HNRNPH2: variants seen among roughly 807,000 people sequenced by gnomAD.
HNRNPH2 encodes the protein heterogeneous nuclear ribonucleoprotein H2, also known as FTP-3.
For synonymous variants in HNRNPH2, 128 were observed against 128.2 expected (o/e 1.00, Z 0.01); for missense variants, 115 against 352.9 (o/e 0.33, Z 5.40).
Position 101,408,476 on chromosome X carries a change from G to C in HNRNPH2, c.-54+157G>C, listed in dbSNP as rs782312723. On this transcript the variant is annotated intron_variant, in intron 1 of 1. Coordinates refer to ENST00000316594, the MANE Select transcript of HNRNPH2 (RefSeq NM_019597.5). ...CCATCTCAGTGCCGGGAAGCCGCCT[G>C]TGCTGCGCCTGGTGGGGAAATGGTG... Among the ~76,000 whole-genome samples, 8 of 108,646 alleles carry C rather than the reference G, an allele frequency of 7.4e-5. No individual in the cohort carries two copies. In the East Asian group the frequency reaches 2.3e-3, roughly 31 times the overall value. The allele number at this position is 108,646 out of a possible 115,157, so 94.3% of individuals were successfully genotyped here. A position where few individuals can be genotyped will look rare whatever the true frequency, so the allele number is the denominator to read the frequency against.
Position 101,413,633 on chromosome X carries a change from C to G in HNRNPH2, c.*295C>G, listed in dbSNP as rs1555988661. On this transcript the variant is annotated 3_prime_UTR_variant, in exon 2 of 2. Transcript: ENST00000316594. ...CAGTAATTTTGAACACTGAAACATTCATCTAGGACATAATAACAAAGTTCA... is the reference window on the plus strand; with the variant it reads ...CAGTAATTTTGAACACTGAAACATTGATCTAGGACATAATAACAAAGTTCA... 2 of 239,691 alleles carry G rather than the reference C, an allele frequency of 8.3e-6. No individual in the cohort carries two copies. The highest frequency in any genetic ancestry group is 8.1e-5 in the East Asian group (1 of 12,373). 19.8% of individuals were successfully genotyped at this position (239,691 alleles called of 1,213,427 possible).
Position 101,413,297 on chromosome X carries a change from C to G in HNRNPH2, c.1309C>G (p.Leu437Val). 1 of 1,193,510 alleles carries G rather than the reference C, an allele frequency of 8.4e-7. No individual in the cohort carries two copies. Among genetic ancestry groups the G allele is most frequent in the Non-Finnish European group, 1.1e-6 (1 of 886,791 alleles). The change falls in exon 2 of 2, where the codon CTG becomes GTG. Residue 437 changes from leucine to valine, a missense_variant. By Grantham distance (32) the Leu-to-Val change is conservative. Transcript: ENST00000316594. The stretch of plus-strand genomic sequence containing the variant: ...CAGTATGAGTGGATATGACCAAGTT[C>G]TGCAGGAAAACTCCAGTGACTATCA... ...QSSMSGYDQVLQENSSDYQSN... is the reference protein window; with the variant it reads ...QSSMSGYDQVVQENSSDYQSN...
intron 1 of HNRNPH2, among the ~76,000 whole-genome samples, chrX:101,411,400 GTTAATTT>G: frequency 1.5e-5 from 1 of 65,460 alleles, no homozygotes; most frequent in Non-Finnish European, 3.0e-5. Flanking sequence ...ATTTGTTGCT[GTTAATTT>G]TTTTTTTTTT....
At chrX:101,409,684 A>AC (rs1276428044) in intron 1 of HNRNPH2, among the ~76,000 whole-genome samples, 3 of 110,428 alleles carry the variant, frequency 2.7e-5, no homozygotes, top group Non-Finnish European at 5.7e-5. Flanking sequence ...AGCCCACTTC[A>AC]CCCCCCCACC....
rs41307260 is a variant in HNRNPH2, at chrX:101,413,501, T to C, written c.*163T>C. The C allele has an allele frequency of 5.1e-5, 21 of 412,978 alleles. No homozygotes were observed. The Admixed American group carries it at 1.0e-3, about 20-fold the overall frequency. The allele number at this position is 412,978 out of a possible 1,213,427, so 34.0% of individuals were successfully genotyped here. On this transcript the variant is annotated 3_prime_UTR_variant, in exon 2 of 2. Coordinates refer to ENST00000316594, the MANE Select transcript of HNRNPH2 (RefSeq NM_019597.5). ...TCAGCTTCTCTTTCTTTATCTTTCT[T>C]TCTCCTTTTTTAAGAAAACGAGTTA...
chrX:101,408,801 A>G (rs1417601979), intron 1 of HNRNPH2, among the ~76,000 whole-genome samples: 1 of 111,883 alleles, frequency 8.9e-6, no homozygotes, highest in Non-Finnish European at 1.9e-5. Flanking sequence ...GTATTTGAAT[A>G]ATGTTTATTT....
chrX:101,409,978 TG>T (rs1213565204), intron 1 of HNRNPH2, among the ~76,000 whole-genome samples: 1 of 111,765 alleles, frequency 8.9e-6, no homozygotes, highest in African/African-American at 3.3e-5. Context: ...AAGGAACATT[TG>T]TAAGTATTTC....
chrX:101,409,332 C>G (rs782805474), intron 1 of HNRNPH2, among the ~76,000 whole-genome samples: 126 of 112,160 alleles, frequency 1.1e-3, no homozygotes, highest in Non-Finnish European at 1.7e-3. Flanking sequence ...GCCGTTATTA[C>G]ACTTTGTACT....
rs782443548 is a variant in HNRNPH2 at position 101,413,047 on chromosome X, A to G, written c.1059A>G (p.Gln353=). 1.4e-5 allele frequency: 17 copies of G among 1,210,297 alleles called. No individual in the cohort carries two copies. In the East Asian group the frequency reaches 4.7e-4, roughly 34 times the overall value. The change falls in exon 2 of 2, where the codon CAA becomes CAG. Residue 353 remains glutamine (Q), a synonymous_variant. Coordinates refer to ENST00000316594, the MANE Select transcript of HNRNPH2 (RefSeq NM_019597.5). ...TGGCAAAAGACAAAGCTAATATGCA[A>G]CACAGATATGTGGAGCTCTTCTTAA... ...AAMAKDKANM[Q]HRYVELFLNS...
rs782639745 is a variant in HNRNPH2, at chrX:101,412,126, C to T, written c.138C>T (p.Ile46=). The T allele has an allele frequency of 8.3e-7, 1 of 1,211,783 alleles. No homozygotes were observed. The highest frequency in any genetic ancestry group is 3.0e-5 in the East Asian group (1 of 33,860). ...ATGGCACATCAGGTATTCGTTTCAT[C>T]TACACCAGAGAAGGCAGACCAAGTG... ...IQNGTSGIRF[I]YTREGRPSGE... Residue 46 remains isoleucine (I), a synonymous_variant, in exon 2 of 2, where the codon ATC becomes ATT. Transcript: ENST00000316594.
In HNRNPH2 at chrX:101,412,193, T is replaced by C. The variant is rs1327767124; in HGVS notation, c.205T>C (p.Leu69=). 3 of 1,210,432 alleles carry C rather than the reference T, an allele frequency of 2.5e-6. No individual in the cohort carries two copies. Among genetic ancestry groups the C allele is most frequent in the Non-Finnish European group, 3.4e-6 (3 of 895,206 alleles). The part of the protein sequence containing the change: ...VELESEEEVK[L]ALKKDRETMG... ...ACTTGAATCTGAAGAGGAAGTGAAATTGGCTTTGAAGAAGGACAGAGAAAC... is the reference window on the plus strand; with the variant it reads ...ACTTGAATCTGAAGAGGAAGTGAAACTGGCTTTGAAGAAGGACAGAGAAAC... The change falls in exon 2 of 2, where the codon TTG becomes CTG. Residue 69 remains leucine (L), a synonymous_variant. Coordinates refer to ENST00000316594, the MANE Select transcript of HNRNPH2 (RefSeq NM_019597.5).
intron 1 of HNRNPH2, among the ~76,000 whole-genome samples, chrX:101,410,446 G>T (rs1432817141): frequency 8.9e-6 from 1 of 112,113 alleles, no homozygotes. Flanking sequence ...ATAACGATTA[G>T]TTCTGATTTT....
At chrX:101,409,313 A>G (rs1555987652) in intron 1 of HNRNPH2, among the ~76,000 whole-genome samples, 2 of 112,421 alleles carry the variant, frequency 1.8e-5, no homozygotes, top group Non-Finnish European at 3.8e-5. Flanking sequence ...TCCTCAGTGT[A>G]GTTTTATGGC....
chrX:101,412,989 A>C lies in HNRNPH2; in HGVS notation c.1001A>C (p.Glu334Ala). ...DGRVTGEADV[E>A]FATHEDAVAA... ...AGAGTTACCGGTGAGGCAGATGTTGAATTTGCTACTCATGAAGATGCTGTG... is the reference window on the plus strand; with the variant it reads ...AGAGTTACCGGTGAGGCAGATGTTGCATTTGCTACTCATGAAGATGCTGTG... Residue 334 changes from glutamate to alanine, a missense_variant, in exon 2 of 2, where the codon GAA becomes GCA. Transcript: ENST00000316594. 1 of 1,211,025 alleles carries C rather than the reference A, an allele frequency of 8.3e-7. No individual in the cohort carries two copies. The highest frequency in any genetic ancestry group is 1.1e-6 in the Non-Finnish European group (1 of 894,748).
At position 101,413,783 on chromosome X, in the gene HNRNPH2, T is replaced by C. The variant is rs1303785416; in HGVS notation, c.*445T>C. 8.0e-6 allele frequency: 1 copy of C among 125,549 alleles called. No individual in the cohort carries two copies. Among genetic ancestry groups the C allele is most frequent in the Non-Finnish European group, 1.8e-5 (1 of 54,694 alleles). The allele number at this position is 125,549 out of a possible 1,213,427, so 10.3% of individuals were successfully genotyped here. ...TCACTTATGTTAAATGTTGCTCTTA[T>C]ACCACAAATACATTGAAAACTTCGG... is the stretch of plus-strand genomic sequence containing the variant. On this transcript the variant is annotated 3_prime_UTR_variant, in exon 2 of 2. Transcript: ENST00000316594.
chrX:101,409,104 G>T (rs1555987555), intron 1 of HNRNPH2, among the ~76,000 whole-genome samples: 1 of 105,865 alleles, frequency 9.4e-6, no homozygotes, highest in Admixed American at 1.0e-4. Context: ...ATAGAGCGGT[G>T]CAGGGAATTA....
chrX:101,413,195 T>G lies in HNRNPH2; in HGVS notation c.1207T>G (p.Ser403Ala). ...CCAAATGATGGGAGGGATGGGCTTA[T>G]CCAACCAGTCTAGTTATGGAGGTCC... ...GSQMMGGMGL[S>A]NQSSYGGPAS... Residue 403 changes from serine (S) to alanine (A), a missense_variant, in exon 2 of 2, where the codon TCC (serine) becomes GCC (alanine). Physicochemically the swap from Ser to Ala is moderately conservative, Grantham distance 99 (BLOSUM62 1). Transcript: ENST00000316594. 1 of 1,211,657 alleles carries G rather than the reference T, an allele frequency of 8.3e-7. No individual in the cohort carries two copies. Among genetic ancestry groups the G allele is most frequent in the East Asian group, 3.0e-5 (1 of 33,850 alleles).
At chrX:101,409,081 G>A (rs1555987553) in intron 1 of HNRNPH2, among the ~76,000 whole-genome samples, 1 of 108,605 alleles carries the variant, frequency 9.2e-6, no homozygotes, top group African/African-American at 3.4e-5. Flanking sequence ...CCCTACAGAA[G>A]GGCTCTTAAG....
Position 101,413,455 on chromosome X carries a change from A to G in HNRNPH2, c.*117A>G. 3.5e-6 allele frequency: 2 copies of G among 576,276 alleles called. No individual in the cohort carries two copies. The highest frequency in any genetic ancestry group is 5.5e-6 in the Non-Finnish European group (2 of 363,953). The allele number at this position is 576,276 out of a possible 1,213,427, so 47.5% of individuals were successfully genotyped here. A position where few individuals can be genotyped will look rare whatever the true frequency, so the allele number is the denominator to read the frequency against. On this transcript the variant is annotated 3_prime_UTR_variant, in exon 2 of 2. Coordinates refer to ENST00000316594, the MANE Select transcript of HNRNPH2 (RefSeq NM_019597.5). ...GTATGATTGGTAAATGGGAAATATA[A>G]TTGATTCTGATCACTCTTGGTCAGC... is the stretch of plus-strand genomic sequence containing the variant.
Sources: allele counts gnomAD v4.1 joint callset (sites outside exome capture counted in the v4.1 genomes callset), GRCh38; gene constraint gnomAD v4.1.1; transcripts MANE v1.5; gene names NCBI Gene and HGNC (gene_info 2026-07-23, HGNC 2026-07-21).